Variants in WDR7 observed in about 807,000 individuals in gnomAD.
WDR7 encodes WD repeat-containing protein 7.
Under a neutral mutation model 169.4 loss-of-function variants are expected in WDR7, and 46 were observed. The observed-to-expected ratio is 0.27, with a 90% confidence interval of 0.21 to 0.35. WDR7 has a LOEUF of 0.35. Ranked by LOEUF, WDR7 falls within the 10% of genes least tolerant of loss-of-function variation. The pLI is 1.00. For missense variants in WDR7, 1,534 were observed against 1,859.3 expected (o/e 0.83, Z 3.22); for synonymous variants, 612 against 666.8 (o/e 0.92, Z 1.27).
At chr18:56,863,950 A>G (rs2045845706) in intron 20 of WDR7, among the ~76,000 whole-genome samples, 1 of 151,856 alleles carries the variant, frequency 6.6e-6, no homozygotes, top group Admixed American at 6.6e-5. Context: ...ACAACTTGAC[A>G]TTAAAATGAT....
intron 3 of WDR7, among the ~76,000 whole-genome samples, chr18:56,680,283 A>G (rs139485082): frequency 0.023 from 3,553 of 152,284 alleles, 42 homozygotes; most frequent in Non-Finnish European, 0.033. Context: ...ACCCGAGCCC[A>G]GGAGATTGAG....
chr18:56,653,267 C>T (rs925793189), intron 1 of WDR7, among the ~76,000 whole-genome samples: 5 of 151,646 alleles, frequency 3.3e-5, no homozygotes, highest in African/African-American at 7.3e-5. Flanking sequence ...AGTGCAGTGG[C>T]GTGATCTCAG....
At chr18:57,032,801 T>TATA, downstream of WDR7, 1 of 106,194 alleles carries the variant, frequency 9.4e-6, no homozygotes, top group Non-Finnish European at 2.0e-5. Context: ...TATAATTATT[T>TATA]TATATATATA....
chr18:56,991,831 A>G (rs940810377), intron 26 of WDR7, among the ~76,000 whole-genome samples: 1 of 152,256 alleles, frequency 6.6e-6, no homozygotes, highest in African/African-American at 2.4e-5. Context: ...GTTAATGGAG[A>G]GAGATGATCT....
intron 26 of WDR7, among the ~76,000 whole-genome samples, chr18:57,014,256 G>T (rs886141476): frequency 6.6e-6 from 1 of 150,520 alleles, no homozygotes; most frequent in Admixed American, 6.6e-5. Context: ...AACCTTGGAG[G>T]CAGAGATTGC....
At position 56,762,333 on chromosome 18, in the gene WDR7, G is replaced by A. The variant is rs575252459; in HGVS notation, c.2848+3380G>A. On this transcript the variant is annotated intron_variant, in intron 16 of 27. Coordinates refer to ENST00000254442, the MANE Select transcript of WDR7 (RefSeq NM_015285.3). ...TGTTTTCTTTTTTTTCTATTTTCAT[G>A]AAGAGTTTGTATAAGATTGGCAACA... is the stretch of plus-strand genomic sequence containing the variant. Among the ~76,000 whole-genome samples, 10 of 151,716 alleles carry A rather than the reference G, an allele frequency of 6.6e-5. 1 individual carries two copies. The highest frequency in any genetic ancestry group is 2.4e-4 in the African/African-American group (10 of 41,458).
In WDR7 at chr18:57,008,223, C is replaced by G. The variant is rs189093587; in HGVS notation, c.4165-12522C>G. On this transcript the variant is annotated intron_variant, in intron 26 of 27. Coordinates refer to ENST00000254442, the MANE Select transcript of WDR7 (RefSeq NM_015285.3). The stretch of plus-strand genomic sequence containing the variant: ...CTTGCCCTCTCCTTCCTGTCCATGC[C>G]CACTTCCTCATTCAGCTCCCCATTT... Among the ~76,000 whole-genome samples, 270 of 152,242 alleles carry G rather than the reference C, an allele frequency of 1.8e-3. 2 individuals are homozygous for G. Among genetic ancestry groups the G allele is most frequent in the Middle Eastern group, 6.8e-3 (2 of 294 alleles).
At chr18:56,841,228 TGTC>T (rs2045481145) in intron 20 of WDR7, among the ~76,000 whole-genome samples, 1 of 151,030 alleles carries the variant, frequency 6.6e-6, no homozygotes, top group Admixed American at 6.6e-5. Context: ...ATAGAAAAGT[TGTC>T]GTAATTTACA....
chr18:56,781,920 C>CTACTCTAGTTAGTACTAG (rs2145074347), intron 19 of WDR7: 1 of 249,714 alleles, frequency 4.0e-6, no homozygotes, highest in East Asian at 8.0e-5. Flanking sequence ...ATCAAACATC[C>CTACTCTAGTTAGTACTAG]TACTCTAGTA....
intron 20 of WDR7, among the ~76,000 whole-genome samples, chr18:56,829,400 G>C (rs1055615521): frequency 1.3e-5 from 2 of 152,086 alleles, no homozygotes; most frequent in Admixed American, 1.3e-4. Context: ...AGGCTGCAAA[G>C]TCCAGCACCC....
intron 13 of WDR7, among the ~76,000 whole-genome samples, chr18:56,724,443 C>T (rs1225492457): frequency 1.3e-5 from 2 of 151,734 alleles, no homozygotes; most frequent in Non-Finnish European, 2.9e-5. Flanking sequence ...AGCTCCTGAC[C>T]TCAGGTGATC....
At chr18:56,938,841 G>GTA (rs958958198) in intron 24 of WDR7, among the ~76,000 whole-genome samples, 159 bp downstream of exon 24, 1 of 150,928 alleles carries the variant, frequency 6.6e-6, no homozygotes, top group African/African-American at 2.5e-5. Flanking sequence ...GTGTGTGTGT[G>GTA]TAAGAGAGAG....
At chr18:56,901,101 TTA>T in intron 21 of WDR7, among the ~76,000 whole-genome samples, 1 of 152,274 alleles carries the variant, frequency 6.6e-6, no homozygotes, top group Middle Eastern at 3.4e-3. Context: ...GCTTGGTTCT[TTA>T]TAATGCTAAT....
chr18:56,748,408 T>C (rs1406008688), intron 14 of WDR7, among the ~76,000 whole-genome samples: 3 of 152,170 alleles, frequency 2.0e-5, no homozygotes, highest in Admixed American at 2.0e-4. Context: ...TTCTAACCTC[T>C]TAATATATTA....
At chr18:57,009,860 G>C (rs1448131116) in intron 26 of WDR7, 2 of 985,280 alleles carry the variant, frequency 2.0e-6, no homozygotes, top group African/African-American at 3.5e-5. Flanking sequence ...GCAAAGGAGA[G>C]GTGACAAAGG....
chr18:56,923,579 A>G (rs2046758928), intron 21 of WDR7, among the ~76,000 whole-genome samples: 1 of 152,284 alleles, frequency 6.6e-6, no homozygotes, highest in Non-Finnish European at 1.5e-5. Flanking sequence ...GTACCACATT[A>G]CATTATTTGA....
chr18:56,848,317 G>A (rs1190334382), intron 20 of WDR7, among the ~76,000 whole-genome samples: 2 of 152,168 alleles, frequency 1.3e-5, no homozygotes, highest in South Asian at 2.1e-4. Context: ...TTTACCTTAT[G>A]CCTGTAGCAC....
chr18:56,918,852 T>C (rs944759127), intron 21 of WDR7, among the ~76,000 whole-genome samples: 5 of 152,202 alleles, frequency 3.3e-5, no homozygotes, highest in Admixed American at 1.3e-4. Context: ...TAAGTTCTTA[T>C]TGAGTATAAA....
intron 21 of WDR7, among the ~76,000 whole-genome samples, chr18:56,884,759 A>G (rs1339649548): frequency 6.6e-6 from 1 of 152,134 alleles, no homozygotes; most frequent in Non-Finnish European, 1.5e-5. Context: ...CTAGGGCCCT[A>G]CCCACCACCT....
Sources: gnomAD v4.1 joint callset for allele counts (sites outside exome capture counted in the v4.1 genomes callset) on GRCh38, gnomAD v4.1.1 for gene constraint, MANE v1.5 for transcripts, NCBI Gene and HGNC (gene_info 2026-07-23, HGNC 2026-07-21) for gene names.